Variants in ZRANB3 observed in about 807,000 individuals in gnomAD.
ZRANB3 encodes the protein zinc finger RANBP2-type containing 3, also known as DNA annealing helicase and endonuclease ZRANB3.
Under a neutral mutation model 133.8 loss-of-function variants are expected in ZRANB3, and 125 were observed. That is an observed-to-expected ratio of 0.93 (90% CI 0.81 to 1.08). ZRANB3 has a LOEUF of 1.08. ZRANB3 is among the 50% of genes least tolerant of loss of function. The pLI is 0.00. For missense variants in ZRANB3, 1,229 were observed against 1,275.5 expected (o/e 0.96, Z 0.56); for synonymous variants, 387 against 432.7 (o/e 0.89, Z 1.31).
At chr2:135,341,662 T>A (rs1161466159) in intron 6 of ZRANB3, among the ~76,000 whole-genome samples, 1 of 149,792 alleles carries the variant, frequency 6.7e-6, no homozygotes, top group African/African-American at 2.6e-5. Flanking sequence ...AAGAGAAATA[T>A]CGCTGAATTC....
At chr2:135,466,220 TA>T (rs1559017638) in intron 2 of ZRANB3, among the ~76,000 whole-genome samples, 1 of 151,518 alleles carries the variant, frequency 6.6e-6, no homozygotes, top group Non-Finnish European at 1.5e-5. Context: ...TTATCTCTAC[TA>T]AAAATACAAA....
At chr2:135,524,143 A>G (rs1694056286) in intron 1 of ZRANB3, among the ~76,000 whole-genome samples, 2 of 152,044 alleles carry the variant, frequency 1.3e-5, no homozygotes, top group Admixed American at 1.3e-4. Context: ...CTGGAGTGCA[A>G]TGGCACAATC....
intron 3 of ZRANB3, among the ~76,000 whole-genome samples, chr2:135,359,671 A>G (rs1685586733): frequency 6.6e-6 from 1 of 152,138 alleles, no homozygotes; most frequent in African/African-American, 2.4e-5. Context: ...TAATCTACCC[A>G]TTTCCTAATC....
At chr2:135,207,876 G>A in intron 18 of ZRANB3, 40 bp from the exon 19 acceptor site, 1 of 1,541,428 alleles carries the variant, frequency 6.5e-7, no homozygotes, top group South Asian at 1.2e-5. Flanking sequence ...ACTAATGAAT[G>A]ATTAGGCTAA....
chr2:135,323,887 C>A (rs2104837323), intron 6 of ZRANB3, among the ~76,000 whole-genome samples: 1 of 152,008 alleles, frequency 6.6e-6, no homozygotes, highest in Non-Finnish European at 1.5e-5. Flanking sequence ...CCTGTCACAG[C>A]CTCCTGAGCA....
intron 2 of ZRANB3, among the ~76,000 whole-genome samples, chr2:135,393,025 C>G (rs1265354205): frequency 6.6e-6 from 1 of 151,866 alleles, no homozygotes; most frequent in Non-Finnish European, 1.5e-5. Flanking sequence ...TGTATGCCAC[C>G]ACACCCAGCT....
Position 135,307,622 on chromosome 2 carries a change from C to T in ZRANB3, c.966+5867G>A, listed in dbSNP as rs929516246. ...CTTTATCAGTTGCTTTATGTCTTGG[C>T]AATGGTTGTTTTTTTAAATGTCTTT... On this transcript the variant is annotated intron_variant, in intron 8 of 20. Transcript: ENST00000264159. 9.9e-5 allele frequency among the ~76,000 whole-genome samples: 15 copies of T among 152,188 alleles called. 1 individual carries two copies. The highest frequency in any genetic ancestry group is 8.5e-4 in the Admixed American group (13 of 15,276).
chr2:135,386,432 G>GGT (rs1686977463), intron 3 of ZRANB3, among the ~76,000 whole-genome samples: 1 of 152,180 alleles, frequency 6.6e-6, no homozygotes, highest in Non-Finnish European at 1.5e-5. Context: ...AAGACAGTGT[G>GGT]GTGATTCCTC....
At chr2:135,421,064 T>C (rs549102063) in intron 2 of ZRANB3, among the ~76,000 whole-genome samples, 11 of 152,266 alleles carry the variant, frequency 7.2e-5, no homozygotes, top group Non-Finnish European at 2.9e-5. Context: ...GGATGATTAA[T>C]GTAAGGAGCC....
chr2:135,344,747 A>G (rs1684841469), intron 6 of ZRANB3, among the ~76,000 whole-genome samples: 1 of 152,202 alleles, frequency 6.6e-6, no homozygotes, highest in African/African-American at 2.4e-5. Context: ...TCTGAAAAAA[A>G]TATGATAAAA....
intron 6 of ZRANB3, among the ~76,000 whole-genome samples, chr2:135,342,084 A>G (rs944852603): frequency 2.0e-5 from 3 of 149,904 alleles, no homozygotes; most frequent in Non-Finnish European, 4.4e-5. Context: ...GAAAATCGCT[A>G]ATAAAAACTT....
chr2:135,346,595 T>C (rs997669448), intron 5 of ZRANB3, among the ~76,000 whole-genome samples: 4 of 152,158 alleles, frequency 2.6e-5, no homozygotes, highest in African/African-American at 9.7e-5. Flanking sequence ...TATTTAGAAA[T>C]GGAATAGCTG....
In ZRANB3 at chr2:135,283,605, G is replaced by A. The variant is rs188919919; in HGVS notation, c.967-7850C>T. On this transcript the variant is annotated intron_variant, in intron 8 of 20. Coordinates refer to ENST00000264159, the MANE Select transcript of ZRANB3 (RefSeq NM_032143.4). The stretch of plus-strand genomic sequence containing the variant: ...GCACTCCAGCCTGGTGACAGAGCGA[G>A]ACTCTGTCTAAAAAAAAAAAAAAAA... 7.0e-3 allele frequency among the ~76,000 whole-genome samples: 999 copies of A among 143,384 alleles called. 7 individuals carry two copies. The highest frequency in any genetic ancestry group is 0.028 in the Middle Eastern group (8 of 282). The allele number at this position is 143,384 out of a possible 152,430, so 94.1% of individuals were successfully genotyped here. A position where few individuals can be genotyped will look rare whatever the true frequency, so the allele number is the denominator to read the frequency against.
intron 2 of ZRANB3, among the ~76,000 whole-genome samples, chr2:135,487,940 G>A (rs962678257): frequency 2.6e-5 from 4 of 152,190 alleles, no homozygotes; most frequent in African/African-American, 9.6e-5. Context: ...TGGCACAGGA[G>A]GCCTAGCTTT....
At chr2:135,525,710 T>C (rs1694126320) in intron 1 of ZRANB3, among the ~76,000 whole-genome samples, 1 of 151,818 alleles carries the variant, frequency 6.6e-6, no homozygotes, top group Non-Finnish European at 1.5e-5. Flanking sequence ...TAGCCGGTCA[T>C]GGTGGTGCGT....
rs543286967 is a variant in ZRANB3, at chr2:135,301,862, G to A, written c.966+11627C>T. Among the ~76,000 whole-genome samples, 5 of 152,288 alleles carry A rather than the reference G, an allele frequency of 3.3e-5. No individual in the cohort carries two copies. In the South Asian group the frequency reaches 1.0e-3, roughly 32 times the overall value. The stretch of plus-strand genomic sequence containing the variant: ...CATGGTCTTCCCCAGTAGATTGCAA[G>A]TTCCTTGAGAGGAAGACATTCTGTT... On this transcript the variant is annotated intron_variant, in intron 8 of 20. Coordinates refer to ENST00000264159, the MANE Select transcript of ZRANB3 (RefSeq NM_032143.4).
chr2:135,467,549 T>C lies in ZRANB3; in HGVS notation c.161+36780A>G, dbSNP rs577326727. Among the ~76,000 whole-genome samples, 8 of 152,372 alleles carry C rather than the reference T, an allele frequency of 5.3e-5. No individual in the cohort carries two copies. The East Asian group carries it at 1.3e-3, about 26-fold the overall frequency. The stretch of plus-strand genomic sequence containing the variant: ...TCTAAATTGGTGTTCTGGGTCCTAA[T>C]CCCTCTTACATTCTCAGAAACCTTT... On this transcript the variant is annotated intron_variant, in intron 2 of 20. Transcript: ENST00000264159.
chr2:135,308,078 A>G (rs1415508646), intron 8 of ZRANB3, among the ~76,000 whole-genome samples: 1 of 152,082 alleles, frequency 6.6e-6, no homozygotes, highest in Non-Finnish European at 1.5e-5. Flanking sequence ...CCAACTCAGC[A>G]TAAGACAAAT....
At chr2:135,521,173 G>A (rs940038216) in intron 1 of ZRANB3, among the ~76,000 whole-genome samples, 5 of 152,298 alleles carry the variant, frequency 3.3e-5, no homozygotes, top group Admixed American at 6.5e-5. Flanking sequence ...CTAGAACTCA[G>A]GTTGGTCTAA....
Sources: gnomAD v4.1 joint callset for allele counts (sites outside exome capture counted in the v4.1 genomes callset) on GRCh38, gnomAD v4.1.1 for gene constraint, MANE v1.5 for transcripts, NCBI Gene and HGNC (gene_info 2026-07-23, HGNC 2026-07-21) for gene names.